SEC14L1: variants seen among roughly 807,000 people sequenced by gnomAD.
SEC14L1 encodes SEC14-like protein 1.
A neutral mutation model predicts 85.3 loss-of-function variants in SEC14L1; 48 were observed. The ratio of observed to expected loss-of-function variants is 0.56; its 90% CI spans 0.45 to 0.72. SEC14L1 has a LOEUF of 0.72. Among genes scored for constraint, SEC14L1 ranks in the 30% least tolerant of loss-of-function variants. The pLI is 0.00. For synonymous variants in SEC14L1, 391 were observed against 355.5 expected, an observed-to-expected ratio of 1.10 and a Z score of -1.12; for missense variants, 682 against 921.4, an observed-to-expected ratio of 0.74 and a Z score of 3.36.
chr17:77,143,476 C>T (rs1323627103), intron 2 of SEC14L1, 91 bp from the exon 3 acceptor site: 2 of 684,688 alleles, frequency 2.9e-6, no homozygotes, highest in Admixed American at 2.8e-5. Flanking sequence ...CTCTTTCTGT[C>T]GTTAGAGTGT....
At chr17:77,176,647 CAG>C (rs904927030) in intron 3 of SEC14L1, among the ~76,000 whole-genome samples, 3 of 152,166 alleles carry the variant, frequency 2.0e-5, no homozygotes, top group African/African-American at 7.2e-5. Context: ...AGTGCAATGG[CAG>C]AGTCTTGGCT....
intron 3 of SEC14L1, among the ~76,000 whole-genome samples, chr17:77,164,204 C>G (rs1052797427): frequency 1.3e-5 from 2 of 152,198 alleles, no homozygotes; most frequent in African/African-American, 4.8e-5. Context: ...ACCGTGCCCC[C>G]GAGCAGGCAG....
intron 3 of SEC14L1, among the ~76,000 whole-genome samples, chr17:77,181,664 C>G (rs1464319238): frequency 1.3e-5 from 2 of 152,216 alleles, no homozygotes; most frequent in African/African-American, 4.8e-5. Flanking sequence ...AGTCTACCCA[C>G]CTCAGCCTCC....
At chr17:77,148,922 C>T (rs765798132) in intron 3 of SEC14L1, among the ~76,000 whole-genome samples, 6 of 152,246 alleles carry the variant, frequency 3.9e-5, no homozygotes, top group East Asian at 1.9e-4. Context: ...TAATTATGCA[C>T]ACTTCCCAGC....
intron 3 of SEC14L1, among the ~76,000 whole-genome samples, chr17:77,161,611 G>T (rs1456103523): frequency 6.6e-6 from 1 of 152,092 alleles, no homozygotes; most frequent in Non-Finnish European, 1.5e-5. Flanking sequence ...TCTTTTAAAA[G>T]GAGGGTTTGT....
intron 3 of SEC14L1, among the ~76,000 whole-genome samples, chr17:77,161,023 G>A (rs1035203817): frequency 2.0e-5 from 3 of 152,308 alleles, no homozygotes; most frequent in Admixed American, 1.3e-4. Flanking sequence ...TGTCCAGTTT[G>A]AAAGAAGCTG....
At chr17:77,096,756 C>G (rs1160638904) in intron 3 of SEC14L1, among the ~76,000 whole-genome samples, 1 of 151,932 alleles carries the variant, frequency 6.6e-6, no homozygotes, top group Non-Finnish European at 1.5e-5. Flanking sequence ...TGTAATTTAG[C>G]CAAGACTTTC....
At chr17:77,197,411 G>A (rs1975870790) in intron 8 of SEC14L1, among the ~76,000 whole-genome samples, 1 of 152,132 alleles carries the variant, frequency 6.6e-6, no homozygotes, top group Non-Finnish European at 1.5e-5. Context: ...CAGCAATACT[G>A]CCACATCATG....
At chr17:77,183,882 A>G (rs551612581) in intron 3 of SEC14L1, among the ~76,000 whole-genome samples, 15 of 151,318 alleles carry the variant, frequency 9.9e-5, no homozygotes, top group Admixed American at 8.5e-4. Context: ...ACTGTTCCAT[A>G]ATTTGGGTTT....
At position 77,206,094 on chromosome 17, in the gene SEC14L1, A is replaced by T. The variant is rs573257170; in HGVS notation, c.1170-135A>T. 2.5e-6 allele frequency: 2 copies of T among 814,218 alleles called. No individual in the cohort carries two copies. Among genetic ancestry groups the T allele is most frequent in the Non-Finnish European group, 3.8e-6 (2 of 521,502 alleles). 50.4% of individuals were successfully genotyped at this position (814,218 alleles called of 1,614,324 possible). A position where few individuals can be genotyped will look rare whatever the true frequency, so the allele number is the denominator to read the frequency against. The stretch of plus-strand genomic sequence containing the variant: ...ATAAACAGGGTTCATAGCACTATAC[A>T]TAGCACTATAATTTAAAAAAATTGA... On this transcript the variant is annotated intron_variant, in intron 11 of 16. Transcript: ENST00000436233. The surrounding 1 kb of genome is among the most constrained non-coding windows in gnomAD (Gnocchi z 4.3).
chr17:77,214,823 G>T lies in SEC14L1; in HGVS notation c.*800G>T. 1.0e-6 allele frequency: 1 copy of T among 985,596 alleles called. No homozygotes were observed. Among genetic ancestry groups the T allele is most frequent in the Non-Finnish European group, 1.2e-6 (1 of 830,048 alleles). 61.1% of individuals were successfully genotyped at this position (985,596 alleles called of 1,614,324 possible). On this transcript the variant is annotated 3_prime_UTR_variant, in exon 17 of 17. Transcript: ENST00000436233. ...CCGTGCGTCGCCCCTCTCACCTGCA[G>T]TCAGCTCCCAGCCCAGTGTAGGCCA...
At chr17:77,149,438 T>C (rs1321545564) in intron 3 of SEC14L1, among the ~76,000 whole-genome samples, 1 of 152,138 alleles carries the variant, frequency 6.6e-6, no homozygotes, top group Admixed American at 6.5e-5. Context: ...TGTAGTGCAG[T>C]TACTTGAGAA....
intron 3 of SEC14L1, among the ~76,000 whole-genome samples, chr17:77,150,202 G>A (rs915327302): frequency 2.0e-5 from 3 of 152,124 alleles, no homozygotes; most frequent in South Asian, 2.1e-4. Context: ...CATTAAGACC[G>A]GAGGAAGGAA....
intron 13 of SEC14L1, 109 bp from the exon 14 acceptor site, chr17:77,209,233 A>G (rs1017137317): frequency 1.5e-6 from 2 of 1,346,252 alleles, no homozygotes; most frequent in Non-Finnish European, 2.0e-6. Context: ...CCATTTTCTC[A>G]GCAACCTCCA....
upstream of SEC14L1, among the ~76,000 whole-genome samples, chr17:77,138,449 G>A (rs1440902556): frequency 7.2e-5 from 11 of 151,740 alleles, no homozygotes; most frequent in African/African-American, 2.2e-4. Context: ...GTGAAAGCCC[G>A]TCTCTACTAA....
At chr17:77,161,887 C>T (rs1256275039) in intron 3 of SEC14L1, among the ~76,000 whole-genome samples, 6 of 140,506 alleles carry the variant, frequency 4.3e-5, no homozygotes, top group African/African-American at 1.5e-4. Context: ...TTCCTTCCTT[C>T]CTCTCTTTCT....
chr17:77,180,839 C>T (rs190585346), intron 3 of SEC14L1, among the ~76,000 whole-genome samples: 5 of 152,178 alleles, frequency 3.3e-5, no homozygotes, highest in Admixed American at 3.3e-4. Flanking sequence ...TTTATAAATA[C>T]CTTATTAGGT....
chr17:77,100,865 CTT>C (rs1971763229), intron 3 of SEC14L1, among the ~76,000 whole-genome samples: 1 of 152,126 alleles, frequency 6.6e-6, no homozygotes, highest in Non-Finnish European at 1.5e-5. Flanking sequence ...TGAGAGAAGA[CTT>C]TTCATACAAT....
chr17:77,203,754 C>A, intron 10 of SEC14L1, 96 bp downstream of exon 10: 2 of 863,470 alleles, frequency 2.3e-6, no homozygotes, highest in Non-Finnish European at 1.9e-6. Context: ...TTAGAACAAA[C>A]ATGAATTGCT....
Sources: gnomAD v4.1 joint callset for allele counts (sites outside exome capture counted in the v4.1 genomes callset) on GRCh38, gnomAD v4.1.1 for gene constraint, Gnocchi (gnomAD v3.1) non-coding constraint, MANE v1.5 for transcripts, NCBI Gene and HGNC (gene_info 2026-07-23, HGNC 2026-07-21) for gene names.